SLC2A12: variants seen among roughly 807,000 people sequenced by gnomAD.
The protein encoded by SLC2A12 is solute carrier family 2, facilitated glucose transporter member 12.
SLC2A12 carries 23 observed loss-of-function variants against 41.8 expected under a neutral mutation model. The observed-to-expected ratio is 0.55, with a 90% CI of 0.40 to 0.78. The LOEUF (loss-of-function observed/expected upper bound fraction) is 0.78, where lower values mean the gene tolerates loss of function less well. Ranked by LOEUF, SLC2A12 falls within the 30% of genes least tolerant of loss-of-function variation. The probability of loss-of-function intolerance (pLI) is 0.00; values close to 1 mark genes in which losing one functional copy is unlikely to be tolerated. For missense variants in SLC2A12, 654 were observed against 745.6 expected (o/e 0.88, Z 1.43); for synonymous variants, 295 against 285.9 (o/e 1.03, Z -0.32).
intron 1 of SLC2A12, among the ~76,000 whole-genome samples, chr6:134,034,941 A>G (rs1341123965): frequency 6.6e-6 from 1 of 152,196 alleles, no homozygotes; most frequent in East Asian, 1.9e-4. Flanking sequence ...AAAAAGTGCC[A>G]TGGGGAATTC....
chr6:134,051,141 G>T (rs560566584), intron 1 of SLC2A12, among the ~76,000 whole-genome samples: 1 of 152,228 alleles, frequency 6.6e-6, no homozygotes, highest in Non-Finnish European at 1.5e-5. Context: ...GGCCAGGCTT[G>T]TCTTGAACTC....
At chr6:133,994,810 G>C (rs1293455395) in intron 4 of SLC2A12, among the ~76,000 whole-genome samples, 1 of 152,176 alleles carries the variant, frequency 6.6e-6, no homozygotes, top group Non-Finnish European at 1.5e-5. Flanking sequence ...AAGCCCCAGG[G>C]CACACCAACT....
intron 2 of SLC2A12, among the ~76,000 whole-genome samples, chr6:134,024,934 G>A (rs537733121): frequency 6.6e-6 from 1 of 152,158 alleles, no homozygotes; most frequent in Admixed American, 6.6e-5. Flanking sequence ...TCTACATTCA[G>A]CATTTTCTCA....
At chr6:134,007,653 T>A (rs530150176) in intron 2 of SLC2A12, among the ~76,000 whole-genome samples, 1 of 152,318 alleles carries the variant, frequency 6.6e-6, no homozygotes, top group Admixed American at 6.5e-5. Context: ...TGGGATCAGA[T>A]GGGGCAATAA....
intron 1 of SLC2A12, among the ~76,000 whole-genome samples, chr6:134,047,867 G>T (rs1338287109): frequency 6.6e-6 from 1 of 152,234 alleles, no homozygotes; most frequent in Non-Finnish European, 1.5e-5. Flanking sequence ...TTGGCCGGCT[G>T]CTCTCAGGCT....
chr6:133,995,258 T>C (rs1451558516), intron 4 of SLC2A12, among the ~76,000 whole-genome samples: 1 of 151,536 alleles, frequency 6.6e-6, no homozygotes, highest in Non-Finnish European at 1.5e-5. Flanking sequence ...GTTTCTGTGC[T>C]GATGAGGAGT....
Position 133,989,967 on chromosome 6 carries a change from G to C in SLC2A12, c.*1188C>G, listed in dbSNP as rs1224093466. ...ATATTAGTAATTTAATATGTTATTT[G>C]GTTCAAGATTTGATTGTGGATTTTC... On this transcript the variant is annotated 3_prime_UTR_variant, in exon 5 of 5. Transcript: ENST00000275230. 6.6e-6 allele frequency: 1 copy of C among 152,150 alleles called. No individual in the cohort carries two copies. Among genetic ancestry groups the C allele is most frequent in the Non-Finnish European group, 1.5e-5 (1 of 68,018 alleles). 9.4% of individuals were successfully genotyped at this position (152,150 alleles called of 1,614,324 possible).
rs74387857 is a variant in SLC2A12 at position 134,050,099 on chromosome 6, C to G, written c.103+2279G>C. Among the ~76,000 whole-genome samples the G allele has an allele frequency of 6.3e-3, 966 of 152,244 alleles. 13 individuals are homozygous for G. The highest frequency in any genetic ancestry group is 0.022 in the African/African-American group (903 of 41,534). ...AATATTACCTCATTAAATCTCAACA[C>G]CTTCATAAAATAGATGAAGATACAA... is the stretch of plus-strand genomic sequence containing the variant. On this transcript the variant is annotated intron_variant, in intron 1 of 4. Transcript: ENST00000275230.
At position 134,029,491 on chromosome 6, in the gene SLC2A12, A is replaced by G; in HGVS notation, c.334T>C (p.Leu112=). ...DRYGRRTAII[L]SSCLLGLGSL... ...CCGAGTCCAAGCAGGCAGGATGACA[A>G]GATGATTGCTGTCCTTCTTCCATAT... The change falls in exon 2 of 5, where the codon TTG becomes CTG. Residue 112 remains leucine, a synonymous_variant. Coordinates refer to ENST00000275230, the MANE Select transcript of SLC2A12 (RefSeq NM_145176.3). 6.2e-7 allele frequency: 1 copy of G among 1,614,228 alleles called. No individual in the cohort carries two copies. The highest frequency in any genetic ancestry group is 1.1e-5 in the South Asian group (1 of 91,090).
At position 133,990,112 on chromosome 6, in the gene SLC2A12, C is replaced by T. The variant is rs1347588990; in HGVS notation, c.*1043G>A. The T allele has an allele frequency of 6.6e-6, 1 of 152,618 alleles. No individual in the cohort carries two copies. Among genetic ancestry groups the T allele is most frequent in the Non-Finnish European group, 1.5e-5 (1 of 68,036 alleles). The allele number at this position is 152,618 out of a possible 1,614,324, so 9.5% of individuals were successfully genotyped here. A position where few individuals can be genotyped will look rare whatever the true frequency, so the allele number is the denominator to read the frequency against. Reference sequence around the variant, plus strand: ...CCACGTTGCTGGTACAGGTGGCCATCATAGAAAAGAACATGAGGGAATTGT... The same window carrying T: ...CCACGTTGCTGGTACAGGTGGCCATTATAGAAAAGAACATGAGGGAATTGT... On this transcript the variant is annotated 3_prime_UTR_variant, in exon 5 of 5. Coordinates refer to ENST00000275230, the MANE Select transcript of SLC2A12 (RefSeq NM_145176.3).
chr6:134,004,565 T>C (rs137964832), intron 3 of SLC2A12, among the ~76,000 whole-genome samples: 2,154 of 152,332 alleles, frequency 0.014, 22 homozygotes, highest in Non-Finnish European at 0.023. Context: ...AATTAGGTTA[T>C]TTGTTTCATA....
chr6:134,013,299 T>TTAA (rs776282082), intron 2 of SLC2A12, among the ~76,000 whole-genome samples: 2 of 151,788 alleles, frequency 1.3e-5, no homozygotes, highest in Admixed American at 6.6e-5. Flanking sequence ...AACAATAATA[T>TTAA]TAATAATAAT....
At chr6:133,992,365 A>C (rs945461806) in intron 4 of SLC2A12, among the ~76,000 whole-genome samples, 2 of 152,178 alleles carry the variant, frequency 1.3e-5, no homozygotes, top group African/African-American at 4.8e-5. Flanking sequence ...AAGCAAAATA[A>C]TTAGAGTGAA....
chr6:133,994,588 C>T (rs900136542), intron 4 of SLC2A12, among the ~76,000 whole-genome samples: 24 of 152,040 alleles, frequency 1.6e-4, no homozygotes, highest in Non-Finnish European at 2.6e-4. Flanking sequence ...ATTAGCCAGG[C>T]GTGGTGGCGG....
chr6:134,052,231 C>G, intron 1 of SLC2A12, 147 bp downstream of exon 1: 1 of 591,440 alleles, frequency 1.7e-6, no homozygotes, highest in Non-Finnish European at 2.7e-6. Context: ...TCCAGCGCGC[C>G]CACATGCGCG....
Position 133,989,203 on chromosome 6 carries a change from A to G in SLC2A12, c.*1952T>C, listed in dbSNP as rs377018584. ...TAAGTACTGTAAATTTTTTTTATAA[A>G]TAAAAACTGTGAATATATATGTACA... On this transcript the variant is annotated 3_prime_UTR_variant, in exon 5 of 5. Transcript: ENST00000275230. 28 of 152,246 alleles carry G rather than the reference A, an allele frequency of 1.8e-4. No homozygotes were observed. The highest frequency in any genetic ancestry group is 6.5e-4 in the African/African-American group (27 of 41,546). The allele number at this position is 152,246 out of a possible 1,614,324, so 9.4% of individuals were successfully genotyped here.
Position 134,029,477 on chromosome 6 carries a change from C to T in SLC2A12, c.348G>A (p.Leu116=), listed in dbSNP as rs757214753. ...TCAAGACTAAGCTTCCGAGTCCAAG[C>T]AGGCAGGATGACAAGATGATTGCTG... is the stretch of plus-strand genomic sequence containing the variant. ...RRTAIILSSC[L]LGLGSLVLIL... The change falls in exon 2 of 5, where the codon CTG becomes CTA. Residue 116 remains leucine (L), a synonymous_variant. Transcript: ENST00000275230. 12 of 1,614,158 alleles carry T rather than the reference C, an allele frequency of 7.4e-6. 1 individual carries two copies. Among genetic ancestry groups the T allele is most frequent in the South Asian group, 5.5e-5 (5 of 91,086 alleles).
At chr6:134,011,747 T>C (rs1211271571) in intron 2 of SLC2A12, among the ~76,000 whole-genome samples, 1 of 151,106 alleles carries the variant, frequency 6.6e-6, no homozygotes, top group African/African-American at 2.4e-5. Context: ...AATAAATAAA[T>C]AAAACAAAAA....
rs191673483 is a variant in SLC2A12, at chr6:133,995,324, C to T, written c.1701-4016G>A. Among the ~76,000 whole-genome samples, 348 of 151,628 alleles carry T rather than the reference C, an allele frequency of 2.3e-3. 5 individuals are homozygous for T. The highest frequency in any genetic ancestry group is 8.1e-3 in the African/African-American group (335 of 41,296). On this transcript the variant is annotated intron_variant, in intron 4 of 4. Transcript: ENST00000275230. The stretch of plus-strand genomic sequence containing the variant: ...CTGGGAGAATTGCTGGAGAATGTGC[C>T]GGAGAAGGGAGAGAGGAGAGAGGGG...
Sources: allele counts gnomAD v4.1 joint callset (sites outside exome capture counted in the v4.1 genomes callset), GRCh38; gene constraint gnomAD v4.1.1; transcripts MANE v1.5; gene names NCBI Gene and HGNC (gene_info 2026-07-23, HGNC 2026-07-21).